The following PITPNA variants were observed in gnomAD, a reference collection of about 807,000 sequenced individuals.
PITPNA encodes phosphatidylinositol transfer protein alpha isoform.
PITPNA carries 13 observed loss-of-function variants against 50.3 expected under a neutral mutation model. That is an observed-to-expected ratio of 0.26 (90% CI 0.17 to 0.41). The LOEUF is 0.41. Ranked by LOEUF, PITPNA falls within the 10% of genes least tolerant of loss-of-function variation. The pLI is 1.00. For missense variants in PITPNA, 207 were observed against 333.4 expected (o/e 0.62, Z 2.95); for synonymous variants, 120 against 119.6 (o/e 1.00, Z -0.02).
chr17:1,556,960 A>T (rs1450877304), intron 2 of PITPNA, among the ~76,000 whole-genome samples: 1 of 152,120 alleles, frequency 6.6e-6, no homozygotes, highest in African/African-American at 2.4e-5. Context: ...AAAATAAAAA[A>T]AATAAAGACA....
chr17:1,535,860 T>A (rs1406227481), intron 7 of PITPNA: 1 of 270,242 alleles, frequency 3.7e-6, no homozygotes, highest in Admixed American at 5.0e-5. Flanking sequence ...AACACAGATT[T>A]TTGAGTCACT....
chr17:1,532,297 C>T (rs1385929345), intron 10 of PITPNA, among the ~76,000 whole-genome samples: 1 of 152,034 alleles, frequency 6.6e-6, no homozygotes, highest in Non-Finnish European at 1.5e-5. Flanking sequence ...CCATGTTGGC[C>T]AAGTTGGTCT....
chr17:1,519,295 GCT>G lies in PITPNA; in HGVS notation c.*1264_*1265del, dbSNP rs1272618998. The G allele has an allele frequency of 2.0e-5, 3 of 152,208 alleles. No homozygotes were observed. The highest frequency in any genetic ancestry group is 1.9e-4 in the East Asian group (1 of 5,194). The allele number at this position is 152,208 out of a possible 1,614,324, so 9.4% of individuals were successfully genotyped here. ...TTGGGGAATGTCAGGTGACACTACA[GCT>G]CTCTCTCATTCTCCCACTAAGAGGC... is the stretch of plus-strand genomic sequence containing the variant. On this transcript the variant is annotated 3_prime_UTR_variant, in exon 12 of 12. Transcript: ENST00000313486.
intron 4 of PITPNA, among the ~76,000 whole-genome samples, chr17:1,545,694 C>T (rs2075669791): frequency 6.6e-6 from 1 of 152,126 alleles, no homozygotes; most frequent in Admixed American, 6.6e-5. Flanking sequence ...AATATATGAA[C>T]ATTTAACGTG....
chr17:1,519,908 A>T lies in PITPNA; in HGVS notation c.*653T>A, dbSNP rs1181536289. 6.6e-6 allele frequency: 1 copy of T among 152,256 alleles called. No individual in the cohort carries two copies. Among genetic ancestry groups the T allele is most frequent in the East Asian group, 1.9e-4 (1 of 5,200 alleles). 9.4% of individuals were successfully genotyped at this position (152,256 alleles called of 1,614,324 possible). A position where few individuals can be genotyped will look rare whatever the true frequency, so the allele number is the denominator to read the frequency against. On this transcript the variant is annotated 3_prime_UTR_variant, in exon 12 of 12. Transcript: ENST00000313486. The stretch of plus-strand genomic sequence containing the variant: ...AGTAACTAGAGATTCAGTGATTGGG[A>T]CAGGGTTACTCGTATTTGTTAAATT...
chr17:1,562,456 C>T lies in PITPNA; in HGVS notation c.20+85G>A, dbSNP rs2075773444. On this transcript the variant is annotated intron_variant, in intron 1 of 11. Transcript: ENST00000313486. This position sits in a 1 kb window ranked among gnomAD's most constrained non-coding sequence, Gnocchi z 6.4. Reference sequence around the variant, plus strand: ...CCTGCTGCCCCTCCGTCCATCCGGGCCCTGCGTCCCTCGCCGCGCCGTCGC... The same window carrying T: ...CCTGCTGCCCCTCCGTCCATCCGGGTCCTGCGTCCCTCGCCGCGCCGTCGC... 1 of 1,147,826 alleles carries T rather than the reference C, an allele frequency of 8.7e-7. No individual in the cohort carries two copies. The highest frequency in any genetic ancestry group is 2.7e-5 in the Admixed American group (1 of 36,652). The allele number at this position is 1,147,826 out of a possible 1,614,324, so 71.1% of individuals were successfully genotyped here.
intron 10 of PITPNA, among the ~76,000 whole-genome samples, chr17:1,529,380 C>T (rs912603991): frequency 3.3e-5 from 5 of 150,150 alleles, no homozygotes; most frequent in Middle Eastern, 7.3e-3. Flanking sequence ...AAATTAGTGG[C>T]GTGTAGTGGC....
At chr17:1,553,257 G>A in intron 2 of PITPNA, 108 bp from the exon 3 acceptor site, 1 of 1,228,372 alleles carries the variant, frequency 8.1e-7, no homozygotes. Flanking sequence ...GTCTCCTCAT[G>A]CAGGAGCTGG....
At chr17:1,542,565 G>A (rs2075653299) in intron 5 of PITPNA, among the ~76,000 whole-genome samples, 1 of 152,196 alleles carries the variant, frequency 6.6e-6, no homozygotes, top group South Asian at 2.1e-4. Context: ...AAGGCACTCA[G>A]ATGAGTGTGC....
intron 7 of PITPNA, among the ~76,000 whole-genome samples, chr17:1,537,773 T>C (rs983712385): frequency 1.3e-5 from 2 of 152,078 alleles, no homozygotes; most frequent in Non-Finnish European, 2.9e-5. Flanking sequence ...TTTTATATCT[T>C]TTCGGAAATG....
chr17:1,544,412 C>A (rs1396141773), intron 4 of PITPNA, among the ~76,000 whole-genome samples: 1 of 152,134 alleles, frequency 6.6e-6, no homozygotes, highest in Non-Finnish European at 1.5e-5. Flanking sequence ...GTTCTGACAA[C>A]CTGGTTTTCC....
At position 1,562,502 on chromosome 17, in the gene PITPNA, T is replaced by C. The variant is rs2151016569; in HGVS notation, c.20+39A>G. On this transcript the variant is annotated intron_variant, in intron 1 of 11. Transcript: ENST00000313486. This position sits in a 1 kb window ranked among gnomAD's most constrained non-coding sequence, Gnocchi z 6.4. ...GTCGCCCCGGCGGCCGTCCCCACCC[T>C]CCCTCCTCCCCGCTTCCGCACGGCC... 15 of 854,660 alleles carry C rather than the reference T, an allele frequency of 1.8e-5. No homozygotes were observed. The highest frequency in any genetic ancestry group is 4.2e-5 in the East Asian group (1 of 24,014). The allele number at this position is 854,660 out of a possible 1,614,324, so 52.9% of individuals were successfully genotyped here.
intron 10 of PITPNA, among the ~76,000 whole-genome samples, chr17:1,526,134 G>C (rs958387431): frequency 6.6e-6 from 1 of 152,224 alleles, no homozygotes; most frequent in Non-Finnish European, 1.5e-5. Flanking sequence ...AACCTCACCA[G>C]TAACTGGACA....
At chr17:1,543,583 G>A (rs934792704) in intron 4 of PITPNA, among the ~76,000 whole-genome samples, 3 of 152,152 alleles carry the variant, frequency 2.0e-5, no homozygotes, top group African/African-American at 7.2e-5. Flanking sequence ...CTGGGGAACA[G>A]ACTAGCTCTG....
intron 1 of PITPNA, among the ~76,000 whole-genome samples, chr17:1,561,985 C>T (rs900820033): frequency 1.3e-5 from 2 of 152,110 alleles, no homozygotes; most frequent in African/African-American, 4.8e-5. Flanking sequence ...GCCGCGGGGC[C>T]TCTCAGCGCC....
At chr17:1,545,740 C>A (rs1443746744) in intron 4 of PITPNA, among the ~76,000 whole-genome samples, 1 of 152,082 alleles carries the variant, frequency 6.6e-6, no homozygotes, top group Non-Finnish European at 1.5e-5. Context: ...ACACTCTTCC[C>A]AGAATGACAC....
intron 6 of PITPNA, 49 bp downstream of exon 6, chr17:1,541,517 G>T: frequency 7.5e-7 from 1 of 1,325,772 alleles, no homozygotes; most frequent in Non-Finnish European, 1.1e-6. Context: ...AGGCTACAAG[G>T]CAGAGACTCA....
chr17:1,526,846 C>A (rs1343593456), intron 10 of PITPNA, among the ~76,000 whole-genome samples: 1 of 152,180 alleles, frequency 6.6e-6, no homozygotes, highest in Admixed American at 6.5e-5. Context: ...CTCACTGCAA[C>A]CTCTGCCTCC....
chr17:1,555,025 G>C (rs545005252), intron 2 of PITPNA, among the ~76,000 whole-genome samples: 5 of 152,308 alleles, frequency 3.3e-5, no homozygotes, highest in Admixed American at 3.3e-4. Flanking sequence ...GCTGAGCCAG[G>C]GGTGCCTAAG....
Sources: gnomAD v4.1 joint callset for allele counts (sites outside exome capture counted in the v4.1 genomes callset) on GRCh38, gnomAD v4.1.1 for gene constraint, Gnocchi (gnomAD v3.1) non-coding constraint, MANE v1.5 for transcripts, NCBI Gene and HGNC (gene_info 2026-07-23, HGNC 2026-07-21) for gene names.